SMOC2: variants seen among roughly 807,000 people sequenced by gnomAD.
The protein encoded by SMOC2 is SPARC-related modular calcium-binding protein 2.
SMOC2 carries 39 observed loss-of-function variants against 61.4 expected under a neutral mutation model. The observed-to-expected ratio is 0.64, with a 90% CI of 0.49 to 0.83. The LOEUF (loss-of-function observed/expected upper bound fraction) is 0.83, where lower values mean the gene tolerates loss of function less well. Among genes scored for constraint, SMOC2 ranks in the 40% least tolerant of loss-of-function variants. The pLI is 0.00. For synonymous variants in SMOC2, 247 were observed against 239.9 expected (o/e 1.03, Z -0.27); for missense variants, 556 against 592.9 (o/e 0.94, Z 0.65).
intron 9 of SMOC2, among the ~76,000 whole-genome samples, chr6:168,616,521 C>T (rs1289580065): frequency 1.3e-5 from 2 of 152,124 alleles, no homozygotes; most frequent in Non-Finnish European, 2.9e-5. Context: ...CTGGGGAGTC[C>T]CAGATATGGC....
intron 1 of SMOC2, among the ~76,000 whole-genome samples, chr6:168,478,247 A>AC (rs1782134097): frequency 6.6e-6 from 1 of 152,208 alleles, no homozygotes; most frequent in African/African-American, 2.4e-5. Flanking sequence ...ACTTGGGACC[A>AC]CAAGAGGACA....
intron 7 of SMOC2, among the ~76,000 whole-genome samples, chr6:168,595,666 A>G (rs1433924135): frequency 6.6e-6 from 1 of 152,216 alleles, no homozygotes; most frequent in Non-Finnish European, 1.5e-5. Context: ...AGCCAGGTTT[A>G]TCAGGTAAAA....
chr6:168,519,023 ACATGTGTGTGTATGTGTG>A (rs1165264867), intron 2 of SMOC2, among the ~76,000 whole-genome samples: 1 of 77,954 alleles, frequency 1.3e-5, no homozygotes, highest in East Asian at 3.2e-4. Context: ...GTGCATGCGA[ACATGTGTGTGTATGTGTG>A]CATGTGTGAG....
chr6:168,629,832 TC>T (rs988318477), intron 9 of SMOC2, among the ~76,000 whole-genome samples: 2 of 152,216 alleles, frequency 1.3e-5, no homozygotes, highest in African/African-American at 4.8e-5. Context: ...TTTTTAAAGC[TC>T]CGCTGAAGTG....
At chr6:168,599,144 C>A in intron 8 of SMOC2, 140 bp downstream of exon 8, 4 of 741,098 alleles carry the variant, frequency 5.4e-6, no homozygotes, top group Admixed American at 2.8e-5. Context: ...ACTGATACCA[C>A]ACACATACCC....
At chr6:168,556,728 GC>G (rs1358925639) in intron 7 of SMOC2, among the ~76,000 whole-genome samples, 1 of 145,786 alleles carries the variant, frequency 6.9e-6, no homozygotes, top group South Asian at 2.3e-4. Flanking sequence ...ATCTCCTAAT[GC>G]TATCCCTCCC....
At chr6:168,568,854 A>C (rs1290964838) in intron 7 of SMOC2, among the ~76,000 whole-genome samples, 1 of 152,176 alleles carries the variant, frequency 6.6e-6, no homozygotes, top group Non-Finnish European at 1.5e-5. Flanking sequence ...TATTCGTTTA[A>C]GGTTCCCCCG....
intron 9 of SMOC2, among the ~76,000 whole-genome samples, chr6:168,648,083 CT>C (rs1787090643): frequency 1.3e-5 from 2 of 152,186 alleles, no homozygotes; most frequent in South Asian, 4.1e-4. Context: ...AAAAATCCCC[CT>C]GGGTGTGTCC....
intron 1 of SMOC2, among the ~76,000 whole-genome samples, chr6:168,447,614 A>G (rs1004352241): frequency 6.6e-6 from 1 of 152,108 alleles, no homozygotes; most frequent in African/African-American, 2.4e-5. Flanking sequence ...GGGGTAGGCA[A>G]ACTCTTAACA....
At chr6:168,588,242 G>T (rs1269132322) in intron 7 of SMOC2, among the ~76,000 whole-genome samples, 1 of 151,564 alleles carries the variant, frequency 6.6e-6, no homozygotes, top group East Asian at 1.9e-4. Flanking sequence ...TCCTGTCTCG[G>T]CCCCCTGAGT....
chr6:168,479,755 A>C (rs1249598077), intron 1 of SMOC2, among the ~76,000 whole-genome samples: 1 of 152,164 alleles, frequency 6.6e-6, no homozygotes, highest in Non-Finnish European at 1.5e-5. Context: ...GCAGCTGTTG[A>C]TAACAGGGGT....
chr6:168,579,170 C>T (rs1784871378), intron 7 of SMOC2, among the ~76,000 whole-genome samples: 1 of 152,244 alleles, frequency 6.6e-6, no homozygotes. Context: ...TCCTGTTCCC[C>T]TCGGGGTGGG....
chr6:168,487,582 G>T (rs1246316618), intron 1 of SMOC2, among the ~76,000 whole-genome samples: 1 of 152,046 alleles, frequency 6.6e-6, no homozygotes, highest in South Asian at 2.1e-4. Flanking sequence ...TTGACTCACT[G>T]CAACCTCCAT....
At chr6:168,577,081 T>G (rs1784820899) in intron 7 of SMOC2, among the ~76,000 whole-genome samples, 1 of 152,152 alleles carries the variant, frequency 6.6e-6, no homozygotes, top group African/African-American at 2.4e-5. Context: ...AAAAACATCT[T>G]AAAACCAAAG....
chr6:168,645,403 C>G (rs1786998521), intron 9 of SMOC2, among the ~76,000 whole-genome samples: 1 of 152,188 alleles, frequency 6.6e-6, no homozygotes, highest in African/African-American at 2.4e-5. Flanking sequence ...GCCACTCAGA[C>G]AGAGAAACCT....
intron 4 of SMOC2, among the ~76,000 whole-genome samples, chr6:168,531,400 G>T (rs1004879812): frequency 6.6e-6 from 1 of 152,220 alleles, no homozygotes; most frequent in African/African-American, 2.4e-5. Flanking sequence ...AAGCGGTAAC[G>T]CAGGCTGAAT....
chr6:168,455,914 C>T (rs1781572012), intron 1 of SMOC2, among the ~76,000 whole-genome samples: 1 of 152,258 alleles, frequency 6.6e-6, no homozygotes, highest in Non-Finnish European at 1.5e-5. Flanking sequence ...TCCGTGAATC[C>T]ATGCAAACGT....
intron 1 of SMOC2, among the ~76,000 whole-genome samples, chr6:168,493,593 G>A (rs998140210): frequency 6.6e-6 from 1 of 152,116 alleles, no homozygotes; most frequent in African/African-American, 2.4e-5. Flanking sequence ...CTTCAGAATG[G>A]AAACCACTGT....
At chr6:168,571,878 C>T (rs192378410) in intron 7 of SMOC2, among the ~76,000 whole-genome samples, 4,767 of 111,648 alleles carry the variant, frequency 0.043, 185 homozygotes, top group East Asian at 0.099. Context: ...CCCGCATCCC[C>T]GGGTGCGGGG....
Sources: gnomAD v4.1 joint callset for allele counts (sites outside exome capture counted in the v4.1 genomes callset) on GRCh38, gnomAD v4.1.1 for gene constraint, MANE v1.5 for transcripts, NCBI Gene and HGNC (gene_info 2026-07-23, HGNC 2026-07-21) for gene names.